The following NUP98 variants were observed in gnomAD, a reference collection of about 807,000 sequenced individuals.
NUP98 encodes the protein nucleoporin 98 and 96 precursor, also known as nuclear pore complex protein Nup98-Nup96.
Under a neutral mutation model 191.9 loss-of-function variants are expected in NUP98, and 26 were observed. The observed-to-expected ratio is 0.14, with a 90% CI of 0.10 to 0.19. NUP98 has a LOEUF of 0.19. Among genes scored for constraint, NUP98 ranks in the 10% least tolerant of loss-of-function variants. NUP98 has a pLI of 1.00. For synonymous variants in NUP98, 808 were observed against 778.4 expected (o/e 1.04, Z -0.63); for missense variants, 1,941 against 2,178.8 (o/e 0.89, Z 2.17).
intron 9 of NUP98, among the ~76,000 whole-genome samples, chr11:3,761,991 T>C (rs2081187789): frequency 6.6e-6 from 1 of 152,126 alleles, no homozygotes; most frequent in Non-Finnish European, 1.5e-5. Flanking sequence ...CTAGAATGTC[T>C]TGAAGCATTA....
intron 11 of NUP98, among the ~76,000 whole-genome samples, chr11:3,750,866 C>T (rs1564883518): frequency 1.3e-5 from 2 of 151,606 alleles, no homozygotes; most frequent in African/African-American, 4.8e-5. Context: ...AAACTCCTGA[C>T]GTCAAGCAAT....
chr11:3,777,620 C>CAAAAAA (rs35614116), intron 4 of NUP98, among the ~76,000 whole-genome samples: 6 of 59,476 alleles, frequency 1.0e-4, no homozygotes, highest in Non-Finnish European at 1.3e-4. Flanking sequence ...GACTCCGTCT[C>CAAAAAA]AAAAAAAAAA....
intron 21 of NUP98, among the ~76,000 whole-genome samples, chr11:3,705,637 C>T (rs1397350749): frequency 6.6e-6 from 1 of 152,024 alleles, no homozygotes; most frequent in Non-Finnish European, 1.5e-5. Flanking sequence ...AAACATAAGC[C>T]AAAGGTTAAA....
chr11:3,792,178 CAAAAAAAAAAAA>C (rs61471948), intron 1 of NUP98, among the ~76,000 whole-genome samples: 22 of 58,846 alleles, frequency 3.7e-4, no homozygotes, highest in Admixed American at 3.2e-3. Context: ...AACTCCATCT[CAAAAAAAAAAAA>C]AAAAAAAAAA....
At chr11:3,738,045 C>T (rs993952221) in intron 12 of NUP98, among the ~76,000 whole-genome samples, 1 of 142,364 alleles carries the variant, frequency 7.0e-6, no homozygotes, top group Non-Finnish European at 1.5e-5. Context: ...CTTAGTTGAT[C>T]CCATCGTTTA....
At position 3,683,192 on chromosome 11, in the gene NUP98, G is replaced by GCA. The variant is rs764478998; in HGVS notation, c.4918+6_4918+7dup. The GCA allele has an allele frequency of 6.2e-7, 1 of 1,614,142 alleles. No homozygotes were observed. The highest frequency in any genetic ancestry group is 1.1e-5 in the South Asian group (1 of 91,074). ...GTGATTCCAGGAGATGTGGAACCCA[G>GCA]CACTCACCAGAAGCTAAGTGTCGGA... On this transcript the variant is annotated splice_region_variant and intron_variant, in intron 30 of 32. Transcript: ENST00000324932.
intron 14 of NUP98, 85 bp downstream of exon 14, chr11:3,731,301 CTATAA>C: frequency 4.5e-6 from 4 of 885,720 alleles, no homozygotes; most frequent in Non-Finnish European, 6.3e-6. Context: ...TGTATCACAT[CTATAA>C]TATATTTAAA....
chr11:3,779,003 T>G lies in NUP98; in HGVS notation c.225A>C (p.Thr75=), dbSNP rs1463076438. ...ACGTACCAAACCCAAAGCCAGTGCT[T>G]GTGGAGGTAGCTGGCTGGCTAAATG... ...TSSFSQPATS[T]STGFGFGTST... Residue 75 remains threonine (T), a synonymous_variant, in exon 4 of 33, where the codon ACA becomes ACC. Coordinates refer to ENST00000324932, the MANE Select transcript of NUP98 (RefSeq NM_016320.5). 1.2e-6 allele frequency: 2 copies of G among 1,614,090 alleles called. No individual in the cohort carries two copies. Among genetic ancestry groups the G allele is most frequent in the African/African-American group, 1.3e-5 (1 of 74,934 alleles).
rs1042289580 is a variant in NUP98 at position 3,743,264 on chromosome 11, G to A, written c.1408+1245C>T. Among the ~76,000 whole-genome samples the A allele has an allele frequency of 4.6e-5, 7 of 151,266 alleles. 1 individual carries two copies. The highest frequency in any genetic ancestry group is 8.9e-5 in the Non-Finnish European group (6 of 67,786). ...AAACTCCTGACCTCGTGATCCACCC[G>A]CCTCGGCCTCCCAAAGTACTGGGAT... On this transcript the variant is annotated intron_variant, in intron 12 of 32. Transcript: ENST00000324932.
chr11:3,751,138 C>A (rs1208458988), intron 11 of NUP98, among the ~76,000 whole-genome samples: 3 of 152,092 alleles, frequency 2.0e-5, no homozygotes, highest in Middle Eastern at 3.2e-3. Context: ...GCGGGCAGAT[C>A]ACCTGAGGTC....
chr11:3,677,558 C>T (rs186290090), intron 31 of NUP98, among the ~76,000 whole-genome samples: 44 of 151,936 alleles, frequency 2.9e-4, no homozygotes, highest in African/African-American at 1.0e-3. Context: ...TTGATAGTAC[C>T]CTTTGCTTAA....
rs761747196 is a variant in NUP98 at position 3,762,885 on chromosome 11, C to T, written c.1086+17G>A. On this transcript the variant is annotated intron_variant, in intron 9 of 32. Transcript: ENST00000324932. ...TTTACACACATCTTCAAATTACAGT[C>T]AACTGCAGAAACCTACCGAACCAAC... 1.2e-6 allele frequency: 2 copies of T among 1,609,640 alleles called. No individual in the cohort carries two copies. Among genetic ancestry groups the T allele is most frequent in the Non-Finnish European group, 1.7e-6 (2 of 1,178,686 alleles).
At chr11:3,743,633 T>G (rs2080372040) in intron 12 of NUP98, among the ~76,000 whole-genome samples, 1 of 115,482 alleles carries the variant, frequency 8.7e-6, no homozygotes, top group African/African-American at 3.5e-5. Context: ...GGCAACAGAG[T>G]GAAACTCCAT....
At chr11:3,680,449 C>G (rs2077948698) in intron 30 of NUP98, among the ~76,000 whole-genome samples, 2 of 152,190 alleles carry the variant, frequency 1.3e-5, no homozygotes, top group Non-Finnish European at 2.9e-5. Context: ...AAGTCTTGAA[C>G]CCTTCAAACT....
intron 8 of NUP98, among the ~76,000 whole-genome samples, chr11:3,767,807 G>C (rs2081387577): frequency 6.6e-6 from 1 of 151,036 alleles, no homozygotes; most frequent in Non-Finnish European, 1.5e-5. Flanking sequence ...CTAAGTCGTA[G>C]GTCTCCCTTT....
chr11:3,752,680 A>T (rs981347892), intron 11 of NUP98, among the ~76,000 whole-genome samples: 2 of 152,154 alleles, frequency 1.3e-5, no homozygotes, highest in Admixed American at 1.3e-4. Flanking sequence ...AACGAATTGA[A>T]AAAGTAGGCA....
chr11:3,684,654 G>A (rs1025249159), intron 29 of NUP98, among the ~76,000 whole-genome samples: 2 of 150,380 alleles, frequency 1.3e-5, no homozygotes, highest in Non-Finnish European at 2.9e-5. Flanking sequence ...ACTGCTTAAA[G>A]AAAGAGAAAT....
intron 18 of NUP98, among the ~76,000 whole-genome samples, chr11:3,714,200 A>G (rs191352979): frequency 6.6e-6 from 1 of 152,352 alleles, no homozygotes; most frequent in African/African-American, 2.4e-5. Context: ...ATCTGGTTCT[A>G]GAGTCAGACT....
At chr11:3,772,956 G>A (rs2081579281) in intron 6 of NUP98, among the ~76,000 whole-genome samples, 1 of 151,994 alleles carries the variant, frequency 6.6e-6, no homozygotes, top group African/African-American at 2.4e-5. Flanking sequence ...CAGACTGGGT[G>A]ACGGAGTGAG....
Sources: gnomAD v4.1 joint callset for allele counts (sites outside exome capture counted in the v4.1 genomes callset) on GRCh38, gnomAD v4.1.1 for gene constraint, MANE v1.5 for transcripts, NCBI Gene and HGNC (gene_info 2026-07-23, HGNC 2026-07-21) for gene names.